Variants in ZFHX3 observed in about 807,000 individuals in gnomAD.
The protein encoded by ZFHX3 is zinc finger homeobox 3, also known as zinc finger homeobox protein 3.
Under a neutral mutation model 279.1 loss-of-function variants are expected in ZFHX3, and 42 were observed. The ratio of observed to expected loss-of-function variants is 0.15; its 90% CI spans 0.12 to 0.19. The LOEUF (loss-of-function observed/expected upper bound fraction) is 0.19. Among genes scored for constraint, ZFHX3 ranks in the 10% least tolerant of loss-of-function variants. ZFHX3 has a pLI of 1.00. For synonymous variants in ZFHX3, 2,293 were observed against 1,957.8 expected (o/e 1.17, Z -4.52); for missense variants, 4,981 against 4,754.0 (o/e 1.05, Z -1.40).
intron 4 of ZFHX3, among the ~76,000 whole-genome samples, chr16:73,259,480 G>A (rs2013757319): frequency 6.6e-6 from 1 of 152,172 alleles, no homozygotes; most frequent in South Asian, 2.1e-4. Context: ...TATGTAAAAT[G>A]GAGAAAATAC....
chr16:72,862,908 C>T (rs1191974217), intron 4 of ZFHX3, among the ~76,000 whole-genome samples: 1 of 151,974 alleles, frequency 6.6e-6, no homozygotes, highest in African/African-American at 2.4e-5. Flanking sequence ...GTAATGTGAA[C>T]ACCATGTTGG....
At chr16:73,768,855 T>TA (rs1185475964) in intron 1 of ZFHX3, among the ~76,000 whole-genome samples, 17 of 152,124 alleles carry the variant, frequency 1.1e-4, no homozygotes, top group African/African-American at 3.9e-4. Flanking sequence ...GCTGTACTCA[T>TA]ACAAGCTAGG....
chr16:73,673,637 C>T (rs1002899313), intron 2 of ZFHX3, among the ~76,000 whole-genome samples: 1 of 152,092 alleles, frequency 6.6e-6, no homozygotes, highest in African/African-American at 2.4e-5. Context: ...TACCTGCCAT[C>T]CATTCAGAAA....
chr16:73,708,674 G>A (rs1186893996), intron 1 of ZFHX3, among the ~76,000 whole-genome samples: 2 of 152,048 alleles, frequency 1.3e-5, no homozygotes, highest in African/African-American at 4.8e-5. Context: ...CTCATAACAG[G>A]CAGATGAATA....
At chr16:73,395,005 A>G (rs1194053545) in intron 3 of ZFHX3, among the ~76,000 whole-genome samples, 4 of 152,196 alleles carry the variant, frequency 2.6e-5, no homozygotes, top group East Asian at 3.8e-4. Context: ...GTGGTTTTCA[A>G]TAAGGAGTGG....
At chr16:73,757,238 A>G (rs2053819390) in intron 1 of ZFHX3, among the ~76,000 whole-genome samples, 2 of 152,116 alleles carry the variant, frequency 1.3e-5, no homozygotes, top group Admixed American at 1.3e-4. Flanking sequence ...AAGTCTGTCT[A>G]TTTCACACTC....
intron 3 of ZFHX3, among the ~76,000 whole-genome samples, chr16:73,330,957 A>G (rs2015790174): frequency 6.6e-6 from 1 of 152,170 alleles, no homozygotes; most frequent in African/African-American, 2.4e-5. Flanking sequence ...GGACTAGCTT[A>G]GTGATCCTCA....
In ZFHX3 at chr16:73,212,799, C is replaced by A. The variant is rs73597323; in HGVS notation, c.-1104+44248G>T. Among the ~76,000 whole-genome samples the A allele has an allele frequency of 2.6e-5, 4 of 152,204 alleles. No homozygotes were observed. In the South Asian group the frequency reaches 8.3e-4, roughly 31 times the overall value. ...TGCCCTCTGCAGCCAGCCCAGCAGA[C>A]TTTGAGTCTCAGGGTCACCCTCTAT... On this transcript the variant is annotated intron_variant, in intron 5 of 17. Coordinates refer to the ZFHX3 transcript ENST00000641206.
intron 7 of ZFHX3, among the ~76,000 whole-genome samples, chr16:73,096,852 G>C (rs1206562366): frequency 6.6e-6 from 1 of 152,118 alleles, no homozygotes. Flanking sequence ...TTCATGTCAG[G>C]TGTGCTGGGA....
chr16:73,290,529 T>C (rs1567441431), intron 4 of ZFHX3, among the ~76,000 whole-genome samples: 1 of 152,158 alleles, frequency 6.6e-6, no homozygotes, highest in Non-Finnish European at 1.5e-5. Context: ...GCCTAACTTG[T>C]AGGTTTCAGC....
chr16:73,702,314 T>G (rs1325241992), intron 1 of ZFHX3, among the ~76,000 whole-genome samples: 1 of 151,980 alleles, frequency 6.6e-6, no homozygotes. Context: ...GCCTGGGGGC[T>G]GCAGGTGTGG....
At chr16:72,979,796 A>T (rs1284530879) in intron 1 of ZFHX3, among the ~76,000 whole-genome samples, 1 of 152,234 alleles carries the variant, frequency 6.6e-6, no homozygotes, top group Non-Finnish European at 1.5e-5. Flanking sequence ...TTGAACCAAA[A>T]AAATCAAGCT....
chr16:73,562,169 C>A (rs1456217411), intron 2 of ZFHX3, among the ~76,000 whole-genome samples: 1 of 152,064 alleles, frequency 6.6e-6, no homozygotes, highest in East Asian at 1.9e-4. Flanking sequence ...CTGAATATTC[C>A]CTAGGTTCTG....
chr16:73,478,264 CAAAAAA>C (rs1162656010), intron 2 of ZFHX3, among the ~76,000 whole-genome samples: 2 of 61,594 alleles, frequency 3.2e-5, no homozygotes, highest in Non-Finnish European at 6.8e-5. Flanking sequence ...GACTCCATCT[CAAAAAA>C]AAAAAAAAAA....
chr16:73,859,047 C>T (rs552239644), intron 1 of ZFHX3, among the ~76,000 whole-genome samples: 2 of 152,326 alleles, frequency 1.3e-5, no homozygotes, highest in East Asian at 1.9e-4. Context: ...AAATCCCCAT[C>T]TTTTCCCTGG....
intron 1 of ZFHX3, among the ~76,000 whole-genome samples, chr16:73,054,334 G>A (rs1965504642): frequency 6.6e-6 from 1 of 152,008 alleles, no homozygotes; most frequent in Non-Finnish European, 1.5e-5. Context: ...GTTCCAGGCA[G>A]GCGAGCGCCA....
chr16:73,026,681 A>AAAAAAC (rs1165192448), intron 1 of ZFHX3, among the ~76,000 whole-genome samples: 1 of 151,464 alleles, frequency 6.6e-6, no homozygotes, highest in African/African-American at 2.4e-5. Context: ...CTCAAAAAAA[A>AAAAAAC]AAAAAAAAAA....
intron 2 of ZFHX3, among the ~76,000 whole-genome samples, chr16:73,465,743 C>G (rs1277807313): frequency 6.6e-6 from 1 of 152,164 alleles, no homozygotes; most frequent in Non-Finnish European, 1.5e-5. Context: ...CTCCTTGTCC[C>G]TTGAGTTCTT....
chr16:73,739,614 G>A (rs2053636901), intron 1 of ZFHX3, among the ~76,000 whole-genome samples: 2 of 152,126 alleles, frequency 1.3e-5, no homozygotes, highest in South Asian at 2.1e-4. Context: ...GGGAATGAAG[G>A]GACTGTGATC....
Sources: allele counts gnomAD v4.1 joint callset (sites outside exome capture counted in the v4.1 genomes callset), GRCh38; gene constraint gnomAD v4.1.1; transcripts MANE v1.5; gene names NCBI Gene and HGNC (gene_info 2026-07-23, HGNC 2026-07-21).